Variants in TOP3B observed in about 807,000 individuals in gnomAD.
TOP3B encodes the protein DNA topoisomerase III beta.
A neutral mutation model predicts 93.9 loss-of-function variants in TOP3B; 45 were observed. That is an observed-to-expected ratio of 0.48 (90% CI 0.38 to 0.61). TOP3B has a LOEUF of 0.61. Among genes scored for constraint, TOP3B ranks in the 20% least tolerant of loss-of-function variants. TOP3B has a pLI of 0.00. For synonymous variants in TOP3B, 357 were observed against 472.6 expected (o/e 0.76, Z 3.17); for missense variants, 750 against 1,156.1 (o/e 0.65, Z 5.09).
intron 2 of TOP3B, 89 bp from the exon 3 acceptor site, chr22:21,974,577 G>A (rs898442656): frequency 1.5e-5 from 21 of 1,411,230 alleles, no homozygotes; most frequent in African/African-American, 2.9e-5. Context: ...CCTCCCAGAG[G>A]GCCAGAGTCC....
chr22:21,977,478 G>A (rs1233835212), intron 1 of TOP3B: 3 of 141,952 alleles, frequency 2.1e-5, no homozygotes, highest in African/African-American at 5.4e-5. Flanking sequence ...GCAGTGAGCC[G>A]AGATCATGCT....
chr22:21,968,241 C>T (rs1038667053), intron 7 of TOP3B: 4 of 238,366 alleles, frequency 1.7e-5, no homozygotes, highest in African/African-American at 9.0e-5. Context: ...TTAAGTCTTA[C>T]AGTGAGCTTC....
rs1443514350 is a variant in TOP3B at position 21,963,238 on chromosome 22, A to G, written c.1205-345T>C. ...GTAATCCCAGCTACTCGGGGGGCTG[A>G]GGCAGGGTGAACTGCTTGAACCTGG... On this transcript the variant is annotated intron_variant, in intron 11 of 17. Transcript: ENST00000357179. This position sits in a 1 kb window ranked among gnomAD's most constrained non-coding sequence, Gnocchi z 4.8. The G allele has an allele frequency of 2.6e-5, 6 of 233,336 alleles. No individual in the cohort carries two copies. Among genetic ancestry groups the G allele is most frequent in the Admixed American group, 1.5e-4 (3 of 19,912 alleles). 14.5% of individuals were successfully genotyped at this position (233,336 alleles called of 1,614,324 possible). A position where few individuals can be genotyped will look rare whatever the true frequency, so the allele number is the denominator to read the frequency against.
In TOP3B at chr22:21,974,441, C is replaced by T. The variant is rs780826549; in HGVS notation, c.118G>A (p.Glu40Lys). 18 of 1,613,882 alleles carry T rather than the reference C, an allele frequency of 1.1e-5. No homozygotes were observed. The highest frequency in any genetic ancestry group is 2.2e-5 in the South Asian group (2 of 91,070). The part of the protein sequence containing the change: ...KGLNGACSVH[E>K]YTGTFAGQPV... ...TGGCCAGCAAAGGTCCCAGTGTACTCGTGGACTGAGCAGGCCCCGTTCAGC... is the reference window on the plus strand; with the variant it reads ...TGGCCAGCAAAGGTCCCAGTGTACTTGTGGACTGAGCAGGCCCCGTTCAGC... The change falls in exon 3 of 18, where the codon GAG (glutamate) becomes AAG (lysine). Residue 40 changes from glutamate to lysine, a missense_variant. Coordinates refer to ENST00000357179, the MANE Select transcript of TOP3B (RefSeq NM_001282112.2).
At position 21,968,039 on chromosome 22, in the gene TOP3B, C is replaced by T. The variant is rs534790915; in HGVS notation, c.739-323G>A. The stretch of plus-strand genomic sequence containing the variant: ...AGTGCCTGGCCAGTGGTAGGTATGG[C>T]CACCGCCAGGGTCCCAAGCCCCGTG... On this transcript the variant is annotated intron_variant, in intron 7 of 17. Transcript: ENST00000357179. 1,484 of 341,098 alleles carry T rather than the reference C, an allele frequency of 4.4e-3. 6 individuals carry two copies. The highest frequency in any genetic ancestry group is 6.5e-3 in the Non-Finnish European group (1,177 of 180,964). The allele number at this position is 341,098 out of a possible 1,614,324, so 21.1% of individuals were successfully genotyped here. A position where few individuals can be genotyped will look rare whatever the true frequency, so the allele number is the denominator to read the frequency against.
chr22:21,975,936 A>G (rs1046588582), intron 1 of TOP3B, 129 bp from the exon 2 acceptor site: 3 of 533,184 alleles, frequency 5.6e-6, no homozygotes, highest in Non-Finnish European at 5.5e-6. Flanking sequence ...TTAGGGAATT[A>G]GGGAAACTTG....
intron 10 of TOP3B, 37 bp downstream of exon 10, chr22:21,964,124 C>G (rs577570876): frequency 6.2e-7 from 1 of 1,610,210 alleles, no homozygotes; most frequent in South Asian, 1.1e-5. Context: ...GCCTCAGTGA[C>G]ACACACACAT....
chr22:21,958,496 C>T lies in TOP3B; in HGVS notation c.2103G>A (p.Lys701=), dbSNP rs2071023274. ...GGAGGGAGTGGCTGCACTCACCTTT[C>T]TTCATGTCTCGGAAGGGTGGGTGGT... The part of the protein sequence containing the change: ...CYNHPPFRDM[K]KGMGCNECTH... The change falls in exon 17 of 18, where the codon AAG becomes AAA. Residue 701 remains lysine (K), a synonymous_variant. Coordinates refer to ENST00000357179, the MANE Select transcript of TOP3B (RefSeq NM_001282112.2). 1 of 1,613,972 alleles carries T rather than the reference C, an allele frequency of 6.2e-7. No individual in the cohort carries two copies. Among genetic ancestry groups the T allele is most frequent in the African/African-American group, 1.3e-5 (1 of 75,062 alleles).
In TOP3B at chr22:21,962,969, C is replaced by G. The variant is rs533377575; in HGVS notation, c.1205-76G>C. 3.2e-6 allele frequency: 5 copies of G among 1,552,152 alleles called. No individual in the cohort carries two copies. The South Asian group carries it at 5.7e-5, about 18-fold the overall frequency. On this transcript the variant is annotated intron_variant, in intron 11 of 17. Transcript: ENST00000357179. Reference sequence around the variant, plus strand: ...GTGAGGAGCCCCCAGTACTCTCGCTCGAGCAGCAAGCTCCTGCTTACAGAG... The same window carrying G: ...GTGAGGAGCCCCCAGTACTCTCGCTGGAGCAGCAAGCTCCTGCTTACAGAG...
chr22:21,981,338 C>T (rs921454060), intron 1 of TOP3B, among the ~76,000 whole-genome samples: 5 of 152,120 alleles, frequency 3.3e-5, no homozygotes, highest in African/African-American at 7.2e-5. Flanking sequence ...TTCTAGAACC[C>T]GTGCCCCAAG....
In TOP3B at chr22:21,974,621, C is replaced by T. The variant is rs1008479008; in HGVS notation, c.71-133G>A. On this transcript the variant is annotated intron_variant, in intron 2 of 17. Coordinates refer to ENST00000357179, the MANE Select transcript of TOP3B (RefSeq NM_001282112.2). ...CAGAGTGGTGAGTGACGACATTCCG[C>T]AGACTGGTGCGGGTAGTTGGGCACT... The T allele has an allele frequency of 7.8e-6, 8 of 1,025,406 alleles. No individual in the cohort carries two copies. The African/African-American group carries it at 9.8e-5, about 12-fold the overall frequency. The allele number at this position is 1,025,406 out of a possible 1,614,324, so 63.5% of individuals were successfully genotyped here.
rs558391931 is a variant in TOP3B, at chr22:21,964,451, T to G, written c.944-136A>C. On this transcript the variant is annotated intron_variant, in intron 9 of 17. Coordinates refer to ENST00000357179, the MANE Select transcript of TOP3B (RefSeq NM_001282112.2). ...GACGGTGGCTCTGAGCAGGCACAGC[T>G]GGAGTGCAAAGCTGCTGGCCGGGTG... 34 of 1,039,296 alleles carry G rather than the reference T, an allele frequency of 3.3e-5. No homozygotes were observed. In the South Asian group the frequency reaches 5.0e-4, roughly 15 times the overall value. The allele number at this position is 1,039,296 out of a possible 1,614,324, so 64.4% of individuals were successfully genotyped here.
intron 3 of TOP3B, chr22:21,974,088 T>C (rs946426199): frequency 8.1e-5 from 26 of 320,566 alleles, no homozygotes; most frequent in Non-Finnish European, 1.3e-4. Context: ...CTAAGATAGG[T>C]GCTGCCACTT....
In TOP3B at chr22:21,971,381, G is replaced by A. The variant is rs933619164; in HGVS notation, c.384+496C>T. The stretch of plus-strand genomic sequence containing the variant: ...CCGGGGCAAGCATGGGGCATGGGGT[G>A]TGCACAGGGAGCAGCTGCCACCTGC... On this transcript the variant is annotated intron_variant, in intron 5 of 17. Transcript: ENST00000357179. The surrounding 1 kb of genome is among the most constrained non-coding windows in gnomAD (Gnocchi z 4.6). 3 of 309,720 alleles carry A rather than the reference G, an allele frequency of 9.7e-6. No homozygotes were observed. The highest frequency in any genetic ancestry group is 6.6e-5 in the African/African-American group (3 of 45,516). The allele number at this position is 309,720 out of a possible 1,614,324, so 19.2% of individuals were successfully genotyped here.
At chr22:21,975,565 T>G (rs1013336865) in intron 2 of TOP3B, 75 bp downstream of exon 2, 1 of 1,486,140 alleles carries the variant, frequency 6.7e-7, no homozygotes, top group African/African-American at 1.4e-5. Context: ...CAGGGTGGAA[T>G]CACATTAGGA....
chr22:21,960,820 C>T (rs2071144748), intron 13 of TOP3B: 2 of 257,906 alleles, frequency 7.8e-6, no homozygotes, highest in Admixed American at 4.5e-5. Context: ...CTCCCGGAGC[C>T]AGAGCCCCAC....
intron 1 of TOP3B, among the ~76,000 whole-genome samples, chr22:21,979,534 G>A (rs531255734): frequency 2.0e-5 from 3 of 152,240 alleles, no homozygotes; most frequent in African/African-American, 7.2e-5. Context: ...GGCTGGGCAC[G>A]GTGGTGCCTG....
chr22:21,964,297 G>C lies in TOP3B; in HGVS notation c.962C>G (p.Ala321Gly). The change falls in exon 10 of 18, where the codon GCC becomes GGC. Residue 321 changes from alanine (A) to glycine (G), a missense_variant. Around this residue, in one of 4 missense-constraint regions of TOP3B, gnomAD observed 737 missense variants for 933.7 expected, o/e 0.79. Coordinates refer to ENST00000357179, the MANE Select transcript of TOP3B (RefSeq NM_001282112.2). Reference sequence around the variant, plus strand: ...GTAGAGCCGCTCAGCCGTCTGCATGGCGTGCTGCGGCCCCATGCCTGCGAG... The same window carrying C: ...GTAGAGCCGCTCAGCCGTCTGCATGCCGTGCTGCGGCCCCATGCCTGCGAG... Reference protein sequence around the residue: ...SSSLGMGPQHAMQTAERLYTQ... With the variant: ...SSSLGMGPQHGMQTAERLYTQ... 1.2e-6 allele frequency: 2 copies of C among 1,613,738 alleles called. No individual in the cohort carries two copies. Among genetic ancestry groups the C allele is most frequent in the Non-Finnish European group, 1.7e-6 (2 of 1,179,978 alleles).
At position 21,979,801 on chromosome 22, in the gene TOP3B, C is replaced by T. The variant is rs911429349; in HGVS notation, c.-99+2929G>A. ...CTAAAAATACTAAAAATTAGCTGGG[C>T]ATGGTGGCAGGCGCCTGTAGTCCCA... is the stretch of plus-strand genomic sequence containing the variant. On this transcript the variant is annotated intron_variant, in intron 1 of 17. Coordinates refer to ENST00000357179, the MANE Select transcript of TOP3B (RefSeq NM_001282112.2). Among the ~76,000 whole-genome samples the T allele has an allele frequency of 3.3e-5, 5 of 151,924 alleles. No homozygotes were observed. The East Asian group carries it at 5.8e-4, about 18-fold the overall frequency.
Sources: allele counts gnomAD v4.1 joint callset (sites outside exome capture counted in the v4.1 genomes callset), GRCh38; gene constraint gnomAD v4.1.1; regional missense constraint gnomAD v4.1.1; non-coding constraint Gnocchi (gnomAD v3.1); transcripts MANE v1.5; gene names NCBI Gene and HGNC (gene_info 2026-07-23, HGNC 2026-07-21).